The following SLC25A21 variants were observed in gnomAD, a reference collection of about 807,000 sequenced individuals.
SLC25A21 encodes the protein solute carrier family 25 member 21, also known as mitochondrial 2-oxodicarboxylate carrier.
Under a neutral mutation model 43.8 loss-of-function variants are expected in SLC25A21, and 47 were observed. That is an observed-to-expected ratio of 1.07 (90% CI 0.85 to 1.37). The LOEUF (loss-of-function observed/expected upper bound fraction) is 1.37, where lower values mean the gene tolerates loss of function less well. Ranked by LOEUF, SLC25A21 falls within the 40% of genes most tolerant of loss-of-function variation. The pLI is 0.00. For missense variants in SLC25A21, 352 were observed against 350.2 expected, an observed-to-expected ratio of 1.00 and a Z score of -0.04; for synonymous variants, 131 against 121.3, an observed-to-expected ratio of 1.08 and a Z score of -0.52.
intron 1 of SLC25A21, among the ~76,000 whole-genome samples, chr14:36,951,249 A>C (rs1409949327): frequency 2.0e-5 from 3 of 152,250 alleles, no homozygotes; most frequent in East Asian, 3.9e-4. Context: ...AAAAAAAAAA[A>C]AACTATAACC....
At chr14:36,786,331 G>A (rs1887249683) in intron 3 of SLC25A21, among the ~76,000 whole-genome samples, 1 of 152,200 alleles carries the variant, frequency 6.6e-6, no homozygotes, top group African/African-American at 2.4e-5. Flanking sequence ...TAATTGATAT[G>A]CTGGCATTTT....
At chr14:37,061,368 G>A (rs1041334336) in intron 1 of SLC25A21, among the ~76,000 whole-genome samples, 1 of 152,162 alleles carries the variant, frequency 6.6e-6, no homozygotes, top group Non-Finnish European at 1.5e-5. Context: ...CAGTCTTCTT[G>A]TAATGACTCT....
At chr14:37,162,844 A>C (rs954370614) in intron 1 of SLC25A21, among the ~76,000 whole-genome samples, 10 of 152,304 alleles carry the variant, frequency 6.6e-5, no homozygotes, top group Non-Finnish European at 1.0e-4. Flanking sequence ...ATGCACATGT[A>C]TGTTTATTGC....
chr14:36,729,242 A>G (rs1566546324), intron 5 of SLC25A21, among the ~76,000 whole-genome samples: 2 of 152,218 alleles, frequency 1.3e-5, no homozygotes, highest in Non-Finnish European at 2.9e-5. Flanking sequence ...TCTTTGATAA[A>G]TGTACTCTTT....
rs1024672685 is a variant in SLC25A21 at position 36,723,576 on chromosome 14, C to T, written c.438+1994G>A. Among the ~76,000 whole-genome samples the T allele has an allele frequency of 2.4e-4, 37 of 152,182 alleles. 1 individual carries two copies. Among genetic ancestry groups the T allele is most frequent in the African/African-American group, 6.5e-4 (27 of 41,438 alleles). ...ATGGCTAAATATACATAATTTACAC[C>T]GACTGCATTTGTGTAAGTGATGAAC... On this transcript the variant is annotated intron_variant, in intron 6 of 9. Coordinates refer to ENST00000331299, the MANE Select transcript of SLC25A21 (RefSeq NM_030631.4).
At chr14:37,063,511 T>G (rs1333565571) in intron 1 of SLC25A21, among the ~76,000 whole-genome samples, 1 of 151,802 alleles carries the variant, frequency 6.6e-6, no homozygotes, top group East Asian at 1.9e-4. Context: ...TCATGTCACC[T>G]GGGTATCCTT....
rs545318016 is a variant in SLC25A21, at chr14:36,974,517, A to T, written c.71-99513T>A. 7.9e-5 allele frequency among the ~76,000 whole-genome samples: 12 copies of T among 152,330 alleles called. No individual in the cohort carries two copies. The South Asian group carries it at 2.5e-3, about 32-fold the overall frequency. On this transcript the variant is annotated intron_variant, in intron 1 of 9. Coordinates refer to ENST00000331299, the MANE Select transcript of SLC25A21 (RefSeq NM_030631.4). Reference sequence around the variant, plus strand: ...TCTGAAAACTCATATTTTCTGAGGCACCAAATACTTTGCTATGAAAACTTA... The same window carrying T: ...TCTGAAAACTCATATTTTCTGAGGCTCCAAATACTTTGCTATGAAAACTTA...
At chr14:37,046,795 T>C (rs1033848590) in intron 1 of SLC25A21, among the ~76,000 whole-genome samples, 4 of 152,154 alleles carry the variant, frequency 2.6e-5, no homozygotes, top group Non-Finnish European at 5.9e-5. Flanking sequence ...ATAGGGGATT[T>C]TTAGGTCCCA....
intron 1 of SLC25A21, among the ~76,000 whole-genome samples, chr14:37,009,018 C>T (rs921480558): frequency 1.3e-5 from 2 of 152,112 alleles, no homozygotes; most frequent in African/African-American, 2.4e-5. Context: ...TCCGGGGTCC[C>T]AGGTAAAGAC....
intron 3 of SLC25A21, among the ~76,000 whole-genome samples, chr14:36,753,125 A>G (rs1455496920): frequency 1.3e-5 from 2 of 152,162 alleles, no homozygotes; most frequent in African/African-American, 4.8e-5. Flanking sequence ...TGGGAAGATG[A>G]AAAGTTCTGG....
intron 3 of SLC25A21, among the ~76,000 whole-genome samples, chr14:36,762,755 C>G (rs1274318250): frequency 6.6e-6 from 1 of 152,134 alleles, no homozygotes; most frequent in South Asian, 2.1e-4. Context: ...ATGCCCATCT[C>G]CTTGAGTTGG....
At chr14:37,032,285 T>C (rs573047943) in intron 1 of SLC25A21, among the ~76,000 whole-genome samples, 39 of 152,206 alleles carry the variant, frequency 2.6e-4, no homozygotes, top group African/African-American at 8.9e-4. Context: ...CTTGTAATCC[T>C]AGCACTTTGG....
intron 3 of SLC25A21, among the ~76,000 whole-genome samples, chr14:36,780,246 G>A (rs1887003820): frequency 6.6e-6 from 1 of 151,080 alleles, no homozygotes. Flanking sequence ...TCTAGCTAAT[G>A]GCTTCTCAAT....
intron 2 of SLC25A21, among the ~76,000 whole-genome samples, chr14:36,872,560 T>C (rs777095567): frequency 2.0e-5 from 3 of 152,178 alleles, no homozygotes; most frequent in Non-Finnish European, 2.9e-5. Flanking sequence ...TCTGTTGCAG[T>C]GTCAGTTGCC....
intron 1 of SLC25A21, among the ~76,000 whole-genome samples, chr14:37,083,435 C>T (rs987339741): frequency 5.9e-5 from 9 of 152,222 alleles, no homozygotes; most frequent in African/African-American, 1.7e-4. Context: ...AACACACGTT[C>T]AGTGACTACA....
At chr14:37,119,718 T>C (rs1398121379) in intron 1 of SLC25A21, among the ~76,000 whole-genome samples, 1 of 152,218 alleles carries the variant, frequency 6.6e-6, no homozygotes, top group Admixed American at 6.5e-5. Context: ...CCCCAAATTC[T>C]TTCTTGTGTG....
chr14:36,949,894 G>T (rs1892765240), intron 1 of SLC25A21, among the ~76,000 whole-genome samples: 1 of 152,122 alleles, frequency 6.6e-6, no homozygotes, highest in East Asian at 1.9e-4. Flanking sequence ...TGGGGGAAGG[G>T]GCTCTGGACA....
At chr14:36,938,160 A>G (rs1205145556) in intron 1 of SLC25A21, among the ~76,000 whole-genome samples, 1 of 152,146 alleles carries the variant, frequency 6.6e-6, no homozygotes, top group Non-Finnish European at 1.5e-5. Context: ...CTGTTAAGCT[A>G]CATATAGAGC....
chr14:36,737,521 A>C (rs1885091604), intron 3 of SLC25A21, among the ~76,000 whole-genome samples: 1 of 152,100 alleles, frequency 6.6e-6, no homozygotes, highest in South Asian at 2.1e-4. Flanking sequence ...GTTCTCAAAG[A>C]CCACAGGCAG....
Sources: gnomAD v4.1 joint callset for allele counts (sites outside exome capture counted in the v4.1 genomes callset) on GRCh38, gnomAD v4.1.1 for gene constraint, MANE v1.5 for transcripts, NCBI Gene and HGNC (gene_info 2026-07-23, HGNC 2026-07-21) for gene names.